RALGAPA2: variants seen among roughly 807,000 people sequenced by gnomAD.
RALGAPA2 encodes Ral GTPase activating protein catalytic subunit alpha 2.
A neutral mutation model predicts 230.4 loss-of-function variants in RALGAPA2; 139 were observed. The ratio of observed to expected loss-of-function variants is 0.60; its 90% CI spans 0.53 to 0.69. The LOEUF (loss-of-function observed/expected upper bound fraction) is 0.69. Ranked by LOEUF, RALGAPA2 falls within the 30% of genes least tolerant of loss-of-function variation. The probability of loss-of-function intolerance (pLI) is 0.00; values close to 1 mark genes in which losing one functional copy is unlikely to be tolerated. For missense variants in RALGAPA2, 2,163 were observed against 2,276.0 expected (o/e 0.95, Z 1.01); for synonymous variants, 847 against 837.8 (o/e 1.01, Z -0.19).
intron 37 of RALGAPA2, among the ~76,000 whole-genome samples, chr20:20,455,773 C>T (rs187997206): frequency 2.6e-4 from 40 of 152,266 alleles, no homozygotes; most frequent in Admixed American, 1.8e-3. Flanking sequence ...TTGGTCCAAA[C>T]GGACATTCTC....
intron 35 of RALGAPA2, among the ~76,000 whole-genome samples, chr20:20,496,870 C>G (rs2062221608): frequency 2.0e-5 from 3 of 152,036 alleles, no homozygotes. Context: ...CTGTACAGGC[C>G]AATTATTTAA....
chr20:20,653,024 C>G (rs1368968027), intron 4 of RALGAPA2, among the ~76,000 whole-genome samples: 1 of 151,376 alleles, frequency 6.6e-6, no homozygotes, highest in Non-Finnish European at 1.5e-5. Context: ...AACCCCATCT[C>G]TACTAAAAAT....
intron 10 of RALGAPA2, among the ~76,000 whole-genome samples, chr20:20,623,058 T>C (rs965178957): frequency 6.6e-6 from 1 of 152,022 alleles, no homozygotes; most frequent in Non-Finnish European, 1.5e-5. Context: ...AAATGGGATA[T>C]TAAAAACAAT....
Position 20,412,109 on chromosome 20 carries a change from C to T in RALGAPA2, c.5535G>A (p.Gln1845=). Residue 1845 remains glutamine (Q), a synonymous_variant, in exon 38 of 40, where the codon CAG becomes CAA. Coordinates refer to ENST00000202677, the MANE Select transcript of RALGAPA2 (RefSeq NM_020343.4). ...ERALYLEAII[Q]NHREVMTFED... ...CGAATGTCATTACTTCGCGGTGGTT[C>T]TGAATTATTGCTTCGAGATACAGAG... is the stretch of plus-strand genomic sequence containing the variant. The T allele has an allele frequency of 6.2e-7, 1 of 1,613,884 alleles. No individual in the cohort carries two copies. Among genetic ancestry groups the T allele is most frequent in the Non-Finnish European group, 8.5e-7 (1 of 1,179,872 alleles).
At chr20:20,518,170 C>G (rs2062931148) in intron 31 of RALGAPA2, among the ~76,000 whole-genome samples, 1 of 152,114 alleles carries the variant, frequency 6.6e-6, no homozygotes, top group Admixed American at 6.5e-5. Context: ...ATTCTCCTGC[C>G]TCAGCCTCCT....
chr20:20,565,230 G>C (rs558184536), intron 23 of RALGAPA2, among the ~76,000 whole-genome samples: 1 of 152,274 alleles, frequency 6.6e-6, no homozygotes, highest in East Asian at 1.9e-4. Flanking sequence ...TCCTGGAACT[G>C]AATACTCACT....
chr20:20,445,567 C>G (rs1012988430), intron 37 of RALGAPA2, among the ~76,000 whole-genome samples: 1 of 151,966 alleles, frequency 6.6e-6, no homozygotes, highest in African/African-American at 2.4e-5. Context: ...TAAACCATAA[C>G]AAAAAAAGGC....
Position 20,513,187 on chromosome 20 carries a change from GC to G in RALGAPA2, c.4181del (p.Gly1394AlafsTer55), listed in dbSNP as rs2062765608. The G allele has an allele frequency of 1.3e-6, 2 of 1,530,134 alleles. No individual in the cohort carries two copies. Among genetic ancestry groups the G allele is most frequent in the Admixed American group, 2.2e-5 (1 of 45,770 alleles). The allele number at this position is 1,530,134 out of a possible 1,614,324, so 94.8% of individuals were successfully genotyped here. ...TGACAAGGCTGTGCAGTATGGCAGG[GC>G]CCCCACTGAGGGGGTAGTGCCCCAG... Reference protein sequence around the residue: ...NHLGHYPLSGGPAILHSLVSE... With the variant: ...NHLGHYPLSGXPAILHSLVSE... On this transcript the variant is annotated frameshift_variant, in exon 32 of 40. Transcript: ENST00000202677. LOFTEE classifies it high-confidence loss of function.
At chr20:20,552,504 C>G (rs2063955935) in intron 23 of RALGAPA2, among the ~76,000 whole-genome samples, 1 of 152,100 alleles carries the variant, frequency 6.6e-6, no homozygotes, top group Admixed American at 6.5e-5. Flanking sequence ...ATAGGAAGCT[C>G]TTTTATTTGG....
intron 38 of RALGAPA2, among the ~76,000 whole-genome samples, chr20:20,401,231 G>A (rs1321279424): frequency 6.6e-6 from 1 of 152,098 alleles, no homozygotes; most frequent in East Asian, 1.9e-4. Flanking sequence ...AATAGAAGGT[G>A]GTCTGGGTGG....
intron 37 of RALGAPA2, among the ~76,000 whole-genome samples, chr20:20,422,603 T>C (rs2122874464): frequency 6.6e-6 from 1 of 151,896 alleles, no homozygotes; most frequent in Non-Finnish European, 1.5e-5. Context: ...TGCCTAGTGG[T>C]ACGCAGTGCA....
chr20:20,586,007 GA>G (rs1321958102), intron 18 of RALGAPA2, among the ~76,000 whole-genome samples: 2 of 152,120 alleles, frequency 1.3e-5, no homozygotes, highest in Non-Finnish European at 2.9e-5. Flanking sequence ...AACACTATAT[GA>G]AAAAACTATT....
intron 30 of RALGAPA2, 84 bp downstream of exon 30, chr20:20,524,322 T>C (rs6046910): frequency 0.034 from 52,574 of 1,525,902 alleles, 1,121 homozygotes; most frequent in African/African-American, 0.065. Flanking sequence ...CAATGACAAA[T>C]AAGTACATGC....
intron 37 of RALGAPA2, among the ~76,000 whole-genome samples, chr20:20,436,007 T>C (rs1051142058): frequency 5.3e-5 from 8 of 152,226 alleles, no homozygotes; most frequent in African/African-American, 1.9e-4. Flanking sequence ...ATGTATCAAG[T>C]TGAATCATAC....
chr20:20,593,848 G>A (rs749569871), intron 16 of RALGAPA2, among the ~76,000 whole-genome samples: 30 of 152,188 alleles, frequency 2.0e-4, no homozygotes, highest in Admixed American at 5.2e-4. Flanking sequence ...AAATTAGAGC[G>A]TCCCCACTGG....
chr20:20,515,162 G>C (rs2062829963), intron 31 of RALGAPA2, among the ~76,000 whole-genome samples: 1 of 152,306 alleles, frequency 6.6e-6, no homozygotes, highest in South Asian at 2.1e-4. Context: ...TGGTAAACAA[G>C]GATCAAGTAT....
intron 1 of RALGAPA2, among the ~76,000 whole-genome samples, chr20:20,694,507 A>G (rs1157871406): frequency 2.0e-5 from 3 of 152,200 alleles, no homozygotes; most frequent in Non-Finnish European, 4.4e-5. Context: ...CTAACACAAG[A>G]AAACGAAGGC....
chr20:20,493,920 T>C (rs2062133410), intron 36 of RALGAPA2, among the ~76,000 whole-genome samples: 1 of 152,210 alleles, frequency 6.6e-6, no homozygotes, highest in Non-Finnish European at 1.5e-5. Flanking sequence ...GTTCCCTTTA[T>C]GTCAGGCTTT....
At chr20:20,565,294 T>A (rs2064379067) in intron 23 of RALGAPA2, among the ~76,000 whole-genome samples, 1 of 152,222 alleles carries the variant, frequency 6.6e-6, no homozygotes. Context: ...CATATATGGT[T>A]CCATAGTAAC....
Sources: allele counts gnomAD v4.1 joint callset (sites outside exome capture counted in the v4.1 genomes callset), GRCh38; gene constraint gnomAD v4.1.1; transcripts MANE v1.5; gene names NCBI Gene and HGNC (gene_info 2026-07-23, HGNC 2026-07-21).